The following SHFL variants were observed in gnomAD, a reference collection of about 807,000 sequenced individuals.
The protein encoded by SHFL is shiftless antiviral inhibitor of ribosomal frameshifting protein.
SHFL carries 12 observed loss-of-function variants against 34.7 expected under a neutral mutation model. The ratio of observed to expected loss-of-function variants is 0.35; its 90% CI spans 0.22 to 0.56. The LOEUF (loss-of-function observed/expected upper bound fraction) is 0.56. Among genes scored for constraint, SHFL ranks in the 20% least tolerant of loss-of-function variants. The pLI is 0.88. For missense variants in SHFL, 278 were observed against 411.1 expected (o/e 0.68, Z 2.80); for synonymous variants, 148 against 156.0 (o/e 0.95, Z 0.38).
At chr19:10,090,527 T>C (rs770056992) in intron 5 of SHFL, 141 of 152,040 alleles carry the variant, frequency 9.3e-4, no homozygotes, top group South Asian at 1.9e-3. Context: ...CTCCACCTCC[T>C]GGCCTCAGGT....
Position 10,091,906 on chromosome 19 carries a change from C to T in SHFL, c.644-164C>T, listed in dbSNP as rs1002369833. 1 of 931,394 alleles carries T rather than the reference C, an allele frequency of 1.1e-6. No individual in the cohort carries two copies. Among genetic ancestry groups the T allele is most frequent in the Non-Finnish European group, 1.6e-6 (1 of 624,916 alleles). 57.7% of individuals were successfully genotyped at this position (931,394 alleles called of 1,614,324 possible). ...TGTAATCTCAGGTGACCCCCATGTC[C>T]CCAGGTCTCCTGTATCTTCAACACC... On this transcript the variant is annotated intron_variant, in intron 7 of 7. Coordinates refer to ENST00000253110, the MANE Select transcript of SHFL (RefSeq NM_018381.4). The surrounding 1 kb of genome is among the most constrained non-coding windows in gnomAD (Gnocchi z 8.2).
intron 5 of SHFL, 131 bp downstream of exon 5, chr19:10,090,178 A>G: frequency 9.4e-7 from 1 of 1,067,154 alleles, no homozygotes; most frequent in Non-Finnish European, 1.4e-6. Flanking sequence ...CCAAACTCAG[A>G]GCTCAGCCTT....
In SHFL at chr19:10,086,481, C is replaced by G; in HGVS notation, c.21+33C>G. 1 of 1,352,912 alleles carries G rather than the reference C, an allele frequency of 7.4e-7. No homozygotes were observed. Among genetic ancestry groups the G allele is most frequent in the Non-Finnish European group, 9.6e-7 (1 of 1,046,452 alleles). 83.8% of individuals were successfully genotyped at this position (1,352,912 alleles called of 1,614,324 possible). A position where few individuals can be genotyped will look rare whatever the true frequency, so the allele number is the denominator to read the frequency against. On this transcript the variant is annotated intron_variant, in intron 1 of 7. Transcript: ENST00000253110. This position sits in a 1 kb window ranked among gnomAD's most constrained non-coding sequence, Gnocchi z 5.2. The stretch of plus-strand genomic sequence containing the variant: ...ATGGCTACGGCTGGGCCGGGGTCAG[C>G]CGCGACAGACCCCGAGGAGCGGCCG...
Position 10,091,227 on chromosome 19 carries a change from A to G in SHFL, c.385-23A>G. 1 of 1,605,890 alleles carries G rather than the reference A, an allele frequency of 6.2e-7. No homozygotes were observed. The highest frequency in any genetic ancestry group is 1.1e-5 in the South Asian group (1 of 90,434). On this transcript the variant is annotated intron_variant, in intron 5 of 7. Transcript: ENST00000253110. This position sits in a 1 kb window ranked among gnomAD's most constrained non-coding sequence, Gnocchi z 8.2. ...TGACAATCCTTGGTCCCCTCTCTGT[A>G]CCTTCCTGCCCACCACCACCAGGTA...
rs2088437898 is a variant in SHFL at position 10,093,197 on chromosome 19, G to C, written c.*895G>C. On this transcript the variant is annotated 3_prime_UTR_variant, in exon 8 of 8. Coordinates refer to ENST00000253110, the MANE Select transcript of SHFL (RefSeq NM_018381.4). ...TCCCCATCCCCCCACCAGGATAAAA[G>C]TCCTGACCTTTGTTCTCTTGACGGA... is the stretch of plus-strand genomic sequence containing the variant. 3.7e-6 allele frequency: 4 copies of C among 1,091,282 alleles called. No homozygotes were observed. The highest frequency in any genetic ancestry group is 5.3e-6 in the Non-Finnish European group (4 of 760,862). 67.6% of individuals were successfully genotyped at this position (1,091,282 alleles called of 1,614,324 possible).
chr19:10,089,391 G>T, intron 3 of SHFL: 1 of 1,598,600 alleles, frequency 6.3e-7, no homozygotes, highest in Non-Finnish European at 8.5e-7. Context: ...GAGTATGGGG[G>T]TCAGGCTAGC....
chr19:10,089,931 G>C lies in SHFL; in HGVS notation c.268G>C (p.Ala90Pro). The C allele has an allele frequency of 6.2e-7, 1 of 1,612,254 alleles. No individual in the cohort carries two copies. The highest frequency in any genetic ancestry group is 8.5e-7 in the Non-Finnish European group (1 of 1,179,358). Residue 90 changes from alanine (A) to proline (P), a missense_variant, in exon 5 of 8, where the codon GCC (alanine) becomes CCC (proline). Physicochemically the swap from Ala to Pro is conservative, Grantham distance 27 (BLOSUM62 -1). Transcript: ENST00000253110. ...VATSLLPLTE[A>P]NLRMFQRAQD... ...GACCTCCCTCCTGCCACTGACAGAA[G>C]CCAACCTACGCATGTTTCAACGTGC...
In SHFL at chr19:10,092,570, G is replaced by A; in HGVS notation, c.*268G>A. The A allele has an allele frequency of 6.3e-7, 1 of 1,588,490 alleles. No individual in the cohort carries two copies. On this transcript the variant is annotated 3_prime_UTR_variant, in exon 8 of 8. Coordinates refer to ENST00000253110, the MANE Select transcript of SHFL (RefSeq NM_018381.4). ...CTGACCAATGTCCTCTAGGGCCTAG[G>A]GGACAGAGGAACACAGAGTCACAGC...
In SHFL at chr19:10,087,294, T is replaced by G. The variant is rs1243162085; in HGVS notation, c.189T>G (p.Asp63Glu). Residue 63 changes from aspartate to glutamate, a missense_variant, in exon 3 of 8, where the codon GAT becomes GAG. By Grantham distance (45) the Asp-to-Glu change is conservative (BLOSUM62 2). Around this residue, in one of 2 missense-constraint regions of SHFL, gnomAD observed 243 missense variants for 386.2 expected, o/e 0.63. Transcript: ENST00000253110. ...KDGQELSNDL[D>E]AQDPPEDMKQ... ...GCCAAGAACTAAGTAACGATCTGGA[T>G]GCCCAGGTAACCTATCCCCTCCCCT... 1 of 1,613,884 alleles carries G rather than the reference T, an allele frequency of 6.2e-7. No homozygotes were observed. Among genetic ancestry groups the G allele is most frequent in the Non-Finnish European group, 8.5e-7 (1 of 1,179,890 alleles).
rs1244364203 is a variant in SHFL, at chr19:10,086,697, G to T, written c.22-232G>T. The T allele has an allele frequency of 3.4e-6, 2 of 594,678 alleles. No homozygotes were observed. Among genetic ancestry groups the T allele is most frequent in the Non-Finnish European group, 5.8e-6 (2 of 345,004 alleles). The allele number at this position is 594,678 out of a possible 1,614,324, so 36.8% of individuals were successfully genotyped here. A position where few individuals can be genotyped will look rare whatever the true frequency, so the allele number is the denominator to read the frequency against. ...GTCAGAGGCCAGAGATAACCTGGCC[G>T]CCCCCCCACACCTTAGGCTGGGACG... On this transcript the variant is annotated intron_variant, in intron 1 of 7. Transcript: ENST00000253110. This position sits in a 1 kb window ranked among gnomAD's most constrained non-coding sequence, Gnocchi z 5.2.
chr19:10,092,202 G>A lies in SHFL; in HGVS notation c.776G>A (p.Gly259Asp), dbSNP rs1367874844. Reference protein sequence around the residue: ...STVATCLSQGGLLEDLDNLIL... With the variant: ...STVATCLSQGDLLEDLDNLIL... The stretch of plus-strand genomic sequence containing the variant: ...GTGGCCACCTGCTTGAGCCAGGGTG[G>A]CCTCCTGGAAGACCTGGACAACCTC... The change falls in exon 8 of 8, where the codon GGC (glycine) becomes GAC (aspartate). Residue 259 changes from glycine to aspartate, a missense_variant. Transcript: ENST00000253110. 1.2e-6 allele frequency: 2 copies of A among 1,613,616 alleles called. No individual in the cohort carries two copies. The highest frequency in any genetic ancestry group is 4.5e-5 in the East Asian group (2 of 44,882).
chr19:10,086,485 G>A lies in SHFL; in HGVS notation c.21+37G>A. ...CTACGGCTGGGCCGGGGTCAGCCGC[G>A]ACAGACCCCGAGGAGCGGCCGGGAG... On this transcript the variant is annotated intron_variant, in intron 1 of 7. Transcript: ENST00000253110. This position sits in a 1 kb window ranked among gnomAD's most constrained non-coding sequence, Gnocchi z 5.2. 1 of 1,349,196 alleles carries A rather than the reference G, an allele frequency of 7.4e-7. No homozygotes were observed. Among genetic ancestry groups the A allele is most frequent in the Non-Finnish European group, 9.6e-7 (1 of 1,044,368 alleles). 83.6% of individuals were successfully genotyped at this position (1,349,196 alleles called of 1,614,324 possible). A position where few individuals can be genotyped will look rare whatever the true frequency, so the allele number is the denominator to read the frequency against.
Position 10,092,291 on chromosome 19 carries a change from C to T in SHFL, c.865C>T (p.Pro289Ser). Residue 289 changes from proline to serine, a missense_variant, in exon 8 of 8, where the codon CCC becomes TCC. By Grantham distance (74) the Pro-to-Ser change is moderately conservative. Coordinates refer to ENST00000253110, the MANE Select transcript of SHFL (RefSeq NM_018381.4). ...GGAGGTGGAGGACGAGGAGGGCGGG[C>T]CCAGGGAGTGACCCCTGCCAGGTGC... ...EEEVEDEEGGPRE is the reference protein window; with the variant it reads ...EEEVEDEEGGSRE The T allele has an allele frequency of 6.3e-7, 1 of 1,577,692 alleles. No homozygotes were observed. Among genetic ancestry groups the T allele is most frequent in the Non-Finnish European group, 8.6e-7 (1 of 1,162,074 alleles).
Position 10,092,784 on chromosome 19 carries a change from G to T in SHFL, c.*482G>T, listed in dbSNP as rs2088424020. Reference sequence around the variant, plus strand: ...GCTGGTACAGGGCACAGTTACCTGAGGGGAGAGAGAGAGTCCATGTCCTCT... The same window carrying T: ...GCTGGTACAGGGCACAGTTACCTGATGGGAGAGAGAGAGTCCATGTCCTCT... On this transcript the variant is annotated 3_prime_UTR_variant, in exon 8 of 8. Transcript: ENST00000253110. The T allele has an allele frequency of 6.3e-7, 1 of 1,590,396 alleles. No individual in the cohort carries two copies. The highest frequency in any genetic ancestry group is 8.6e-7 in the Non-Finnish European group (1 of 1,162,722).
rs2088399500 is a variant in SHFL at position 10,091,979 on chromosome 19, CT to C, written c.644-90del. On this transcript the variant is annotated intron_variant, in intron 7 of 7. Transcript: ENST00000253110. The surrounding 1 kb of genome is among the most constrained non-coding windows in gnomAD (Gnocchi z 8.2). The stretch of plus-strand genomic sequence containing the variant: ...TCCCCGTATCTGGTGGTCTCAGCTC[CT>C]CCCTAGAGCCCCGCGTGGCCTAAGT... The C allele has an allele frequency of 6.6e-7, 1 of 1,513,918 alleles. No individual in the cohort carries two copies. The highest frequency in any genetic ancestry group is 8.9e-7 in the Non-Finnish European group (1 of 1,119,116). The allele number at this position is 1,513,918 out of a possible 1,614,324, so 93.8% of individuals were successfully genotyped here. A position where few individuals can be genotyped will look rare whatever the true frequency, so the allele number is the denominator to read the frequency against.
In SHFL at chr19:10,091,176, G is replaced by T. The variant is rs972582521; in HGVS notation, c.385-74G>T. The stretch of plus-strand genomic sequence containing the variant: ...GGCCAGCCGCTGCAGCACACTGCTA[G>T]CCCTGACCCCAACCTCAGACACCTC... On this transcript the variant is annotated intron_variant, in intron 5 of 7. Transcript: ENST00000253110. The surrounding 1 kb of genome is among the most constrained non-coding windows in gnomAD (Gnocchi z 8.2). 23 of 1,350,134 alleles carry T rather than the reference G, an allele frequency of 1.7e-5. No individual in the cohort carries two copies. The highest frequency in any genetic ancestry group is 2.3e-5 in the Non-Finnish European group (22 of 960,894). 83.6% of individuals were successfully genotyped at this position (1,350,134 alleles called of 1,614,324 possible).
At chr19:10,088,260 CAAAAAAAAAAA>C (rs71188880) in intron 3 of SHFL, 1 of 59,020 alleles carries the variant, frequency 1.7e-5, no homozygotes, top group African/African-American at 7.3e-5. Flanking sequence ...AACTCTGTCT[CAAAAAAAAAAA>C]AAAAAAAAAA....
At position 10,092,793 on chromosome 19, in the gene SHFL, G is replaced by C. The variant is rs778479876; in HGVS notation, c.*491G>C. 8.2e-6 allele frequency: 13 copies of C among 1,582,094 alleles called. No homozygotes were observed. In the South Asian group the frequency reaches 1.2e-4, roughly 15 times the overall value. On this transcript the variant is annotated 3_prime_UTR_variant, in exon 8 of 8. Coordinates refer to ENST00000253110, the MANE Select transcript of SHFL (RefSeq NM_018381.4). ...GGGCACAGTTACCTGAGGGGAGAGA[G>C]AGAGTCCATGTCCTCTCACCAGAAT...
In SHFL at chr19:10,086,481, C is replaced by A; in HGVS notation, c.21+33C>A. 2 of 1,352,912 alleles carry A rather than the reference C, an allele frequency of 1.5e-6. No homozygotes were observed. Among genetic ancestry groups the A allele is most frequent in the Non-Finnish European group, 9.6e-7 (1 of 1,046,452 alleles). The allele number at this position is 1,352,912 out of a possible 1,614,324, so 83.8% of individuals were successfully genotyped here. A position where few individuals can be genotyped will look rare whatever the true frequency, so the allele number is the denominator to read the frequency against. ...ATGGCTACGGCTGGGCCGGGGTCAG[C>A]CGCGACAGACCCCGAGGAGCGGCCG... On this transcript the variant is annotated intron_variant, in intron 1 of 7. Transcript: ENST00000253110. The surrounding 1 kb of genome is among the most constrained non-coding windows in gnomAD (Gnocchi z 5.2).
Sources: gnomAD v4.1 joint callset for allele counts on GRCh38, gnomAD v4.1.1 for gene constraint, gnomAD v4.1.1 regional missense constraint, Gnocchi (gnomAD v3.1) non-coding constraint, MANE v1.5 for transcripts, NCBI Gene and HGNC (gene_info 2026-07-23, HGNC 2026-07-21) for gene names.